CDH1: variants seen among roughly 807,000 people sequenced by gnomAD.
CDH1 encodes the protein cadherin 1.
In CDH1, 35 loss-of-function variants were observed where a neutral mutation model predicts 84.5. The observed-to-expected ratio is 0.41, with a 90% CI of 0.32 to 0.55. CDH1 has a LOEUF of 0.55. Among genes scored for constraint, CDH1 ranks in the 20% least tolerant of loss-of-function variants. The pLI is 0.19. For missense variants in CDH1, 994 were observed against 1,126.6 expected (o/e 0.88, Z 1.68); for synonymous variants, 417 against 439.0 (o/e 0.95, Z 0.63).
Position 68,746,096 on chromosome 16 carries a change from C to T in CDH1, c.163+7685C>T, listed in dbSNP as rs1321728128. Among the ~76,000 whole-genome samples the T allele has an allele frequency of 5.3e-5, 8 of 152,336 alleles. 1 individual carries two copies. Among genetic ancestry groups the T allele is most frequent in the South Asian group, 4.1e-4 (2 of 4,828 alleles). ...CCTCCCAAAGTGCTGGGATCGCACG[C>T]GTGAGCCACCACACCCAGCCTTGAA... On this transcript the variant is annotated intron_variant, in intron 2 of 15. Coordinates refer to ENST00000261769, the MANE Select transcript of CDH1 (RefSeq NM_004360.5).
At chr16:68,798,985 A>G (rs938131280) in intron 2 of CDH1, among the ~76,000 whole-genome samples, 1 of 152,138 alleles carries the variant, frequency 6.6e-6, no homozygotes, top group African/African-American at 2.4e-5. Flanking sequence ...TTCTACTTTC[A>G]TTGCTTTTTA....
At chr16:68,789,660 A>G (rs998195052) in intron 2 of CDH1, among the ~76,000 whole-genome samples, 23 of 152,144 alleles carry the variant, frequency 1.5e-4, no homozygotes, top group Admixed American at 6.5e-5. Flanking sequence ...TAACATTTTC[A>G]TCACCTCCAG....
intron 15 of CDH1, among the ~76,000 whole-genome samples, chr16:68,831,538 T>A (rs1035607727): frequency 6.6e-6 from 1 of 151,626 alleles, no homozygotes; most frequent in African/African-American, 2.4e-5. Flanking sequence ...TTATTTATTT[T>A]TATTTTTATT....
intron 2 of CDH1, among the ~76,000 whole-genome samples, chr16:68,754,116 CAAA>C (rs34969874): frequency 1.1e-4 from 13 of 121,922 alleles, no homozygotes; most frequent in Non-Finnish European, 1.0e-4. Context: ...GATTCTGTCT[CAAA>C]AAAAAAAAAA....
rs367550073 is a variant in CDH1, at chr16:68,757,295, G to T, written c.163+18884G>T. Among the ~76,000 whole-genome samples, 19 of 152,178 alleles carry T rather than the reference G, an allele frequency of 1.2e-4. 1 individual carries two copies. Among genetic ancestry groups the T allele is most frequent in the African/African-American group, 4.1e-4 (17 of 41,526 alleles). On this transcript the variant is annotated intron_variant, in intron 2 of 15. Transcript: ENST00000261769. ...GTAGAGACAGGGTTTCACCATGTTG[G>T]CCAGGCTGGTCCTGACCTCAAGTGA...
rs1960784619 is a variant in CDH1, at chr16:68,810,300, A to G, written c.791A>G (p.Gln264Arg). 1 of 1,614,126 alleles carries G rather than the reference A, an allele frequency of 6.2e-7. No homozygotes were observed. Among genetic ancestry groups the G allele is most frequent in the Non-Finnish European group, 8.5e-7 (1 of 1,179,966 alleles). The change falls in exon 6 of 16, where the codon CAG becomes CGG. Residue 264 changes from glutamine to arginine, a missense_variant. Transcript: ENST00000261769. Reference protein sequence around the residue: ...DQNDNKPEFTQEVFKGSVMEG... With the variant: ...DQNDNKPEFTREVFKGSVMEG... Reference sequence around the variant, plus strand: ...AATGACAACAAGCCCGAATTCACCCAGGAGGTCTTTAAGGGGTCTGTCATG... The same window carrying G: ...AATGACAACAAGCCCGAATTCACCCGGGAGGTCTTTAAGGGGTCTGTCATG...
At position 68,834,180 on chromosome 16, in the gene CDH1, C is replaced by T; in HGVS notation, c.*681C>T. On this transcript the variant is annotated 3_prime_UTR_variant, in exon 16 of 16. Coordinates refer to ENST00000261769, the MANE Select transcript of CDH1 (RefSeq NM_004360.5). Reference sequence around the variant, plus strand: ...TGTTACCCAGGCTGGTCTCAAACTCCTGGGCTCAAGTGATCCTCCCATCTT... The same window carrying T: ...TGTTACCCAGGCTGGTCTCAAACTCTTGGGCTCAAGTGATCCTCCCATCTT... 2.0e-6 allele frequency: 1 copy of T among 492,486 alleles called. No homozygotes were observed. The highest frequency in any genetic ancestry group is 4.0e-6 in the Non-Finnish European group (1 of 249,186). 30.5% of individuals were successfully genotyped at this position (492,486 alleles called of 1,614,324 possible). A position where few individuals can be genotyped will look rare whatever the true frequency, so the allele number is the denominator to read the frequency against.
intron 2 of CDH1, among the ~76,000 whole-genome samples, chr16:68,744,244 C>G (rs548637810): frequency 1.3e-5 from 2 of 152,160 alleles, no homozygotes; most frequent in East Asian, 1.9e-4. Flanking sequence ...CCATTATGCT[C>G]TGTGTGTGCT....
chr16:68,804,196 C>T (rs533821611), intron 3 of CDH1, among the ~76,000 whole-genome samples: 1 of 142,110 alleles, frequency 7.0e-6, no homozygotes, highest in Admixed American at 7.5e-5. Flanking sequence ...TCACTGCAAG[C>T]TCCACCTCCC....
intron 2 of CDH1, among the ~76,000 whole-genome samples, chr16:68,749,095 C>T (rs772995651): frequency 1.3e-5 from 2 of 152,192 alleles, no homozygotes; most frequent in Non-Finnish European, 2.9e-5. Flanking sequence ...CCTTGGCCTC[C>T]CAAAGTGCTG....
At chr16:68,758,203 A>ATT (rs1963068888) in intron 2 of CDH1, among the ~76,000 whole-genome samples, 1 of 26,262 alleles carries the variant, frequency 3.8e-5, no homozygotes, top group African/African-American at 1.9e-4. Context: ...GCTTCTTTTT[A>ATT]TTTCTTTTTT....
chr16:68,812,196 C>A lies in CDH1; in HGVS notation c.1070C>A (p.Thr357Lys), dbSNP rs1260033180. Reference protein sequence around the residue: ...AADLQGEGLSTTATAVITVTD... With the variant: ...AADLQGEGLSKTATAVITVTD... ...GACCTTCAAGGTGAGGGGTTAAGCA[C>A]AACAGCAACAGCTGTGATCACAGTC... Residue 357 changes from threonine (T) to lysine (K), a missense_variant, in exon 8 of 16, where the codon ACA becomes AAA. Thr to Lys is a moderately conservative substitution (Grantham distance 78). Coordinates refer to ENST00000261769, the MANE Select transcript of CDH1 (RefSeq NM_004360.5). The A allele has an allele frequency of 2.5e-6, 4 of 1,614,010 alleles. No individual in the cohort carries two copies. Among genetic ancestry groups the A allele is most frequent in the Admixed American group, 1.7e-5 (1 of 59,996 alleles).
chr16:68,833,424 C>G lies in CDH1; in HGVS notation c.2574C>G (p.Asp858Glu), dbSNP rs1060501245. 6.2e-7 allele frequency: 1 copy of G among 1,614,216 alleles called. No individual in the cohort carries two copies. Residue 858 changes from aspartate (D) to glutamate (E), a missense_variant, in exon 16 of 16, where the codon GAC becomes GAG. Transcript: ENST00000261769. ...LNSSESDKDQ[D>E]YDYLNEWGNR... is the part of the protein sequence containing the mutation. ...CCTCAGAGTCAGACAAAGACCAGGA[C>G]TATGACTACTTGAACGAATGGGGCA... is the stretch of plus-strand genomic sequence containing the variant.
chr16:68,798,245 A>G (rs1597882434), intron 2 of CDH1, among the ~76,000 whole-genome samples: 2 of 152,238 alleles, frequency 1.3e-5, no homozygotes, highest in South Asian at 2.1e-4. Flanking sequence ...TATTTTTGTT[A>G]GCTTTTTTTA....
intron 12 of CDH1, chr16:68,822,706 C>T (rs1034334255): frequency 1.3e-5 from 4 of 300,974 alleles, no homozygotes; most frequent in Admixed American, 4.5e-5. Context: ...TCCACCATGA[C>T]GATGTGGATC....
chr16:68,809,628 C>T (rs1960764034), intron 5 of CDH1, among the ~76,000 whole-genome samples: 1 of 152,072 alleles, frequency 6.6e-6, no homozygotes, highest in South Asian at 2.1e-4. Flanking sequence ...TGGGCCCAAG[C>T]GACACTCCCA....
At chr16:68,818,380 C>T (rs1362980634) in intron 10 of CDH1, among the ~76,000 whole-genome samples, 1 of 151,696 alleles carries the variant, frequency 6.6e-6, no homozygotes, top group African/African-American at 2.4e-5. Context: ...GCAGATGGTT[C>T]AGCAGAACAA....
At chr16:68,824,028 G>A (rs868195900) in intron 13 of CDH1, among the ~76,000 whole-genome samples, 15 of 128,492 alleles carry the variant, frequency 1.2e-4, no homozygotes, top group African/African-American at 4.1e-4. Context: ...ATGGAGTTTC[G>A]CTCTTGTTGC....
At chr16:68,818,239 C>CAAAAAAAAAAAAAAA (rs576537213) in intron 10 of CDH1, among the ~76,000 whole-genome samples, 1 of 83,580 alleles carries the variant, frequency 1.2e-5, no homozygotes. Flanking sequence ...GACTCTGTCC[C>CAAAAAAAAAAAAAAA]AAAAAAAAAA....
Sources: gnomAD v4.1 joint callset for allele counts (sites outside exome capture counted in the v4.1 genomes callset) on GRCh38, gnomAD v4.1.1 for gene constraint, MANE v1.5 for transcripts, NCBI Gene and HGNC (gene_info 2026-07-23, HGNC 2026-07-21) for gene names.